Variants in GATC observed in about 807,000 individuals in gnomAD.
GATC encodes glutamyl-tRNA(Gln) amidotransferase subunit C, mitochondrial.
In GATC, 11 loss-of-function variants were observed where a neutral mutation model predicts 14.4. The observed-to-expected ratio is 0.77, with a 90% confidence interval of 0.48 to 1.27. The LOEUF (loss-of-function observed/expected upper bound fraction) is 1.27, where lower values mean the gene tolerates loss of function less well. Ranked by LOEUF, GATC falls within the 50% of genes most tolerant of loss-of-function variation. GATC has a pLI of 0.00. For synonymous variants in GATC, 76 were observed against 79.3 expected (o/e 0.96, Z 0.22); for missense variants, 204 against 183.0 (o/e 1.11, Z -0.66).
chr12:120,456,414 G>A (rs1001762159), intron 2 of GATC, among the ~76,000 whole-genome samples: 1 of 152,268 alleles, frequency 6.6e-6, no homozygotes, highest in East Asian at 1.9e-4. Context: ...AGATTGGGCT[G>A]AGATCCCAGT....
rs777693373 is a variant in GATC at position 120,462,143 on chromosome 12, C to T, written c.*2184C>T. On this transcript the variant is annotated 3_prime_UTR_variant, in exon 4 of 4. Transcript: ENST00000551765. ...GCTGGTGCTTCTCTCAGGATAAACTCGGATGTAGGAAGTTTCACCCTGAAA... is the reference window on the plus strand; with the variant it reads ...GCTGGTGCTTCTCTCAGGATAAACTTGGATGTAGGAAGTTTCACCCTGAAA... 4 of 1,611,266 alleles carry T rather than the reference C, an allele frequency of 2.5e-6. No homozygotes were observed. The highest frequency in any genetic ancestry group is 1.1e-5 in the South Asian group (1 of 90,684).
At chr12:120,455,831 G>A (rs1031674624) in intron 2 of GATC, among the ~76,000 whole-genome samples, 11 of 152,138 alleles carry the variant, frequency 7.2e-5, no homozygotes, top group South Asian at 6.2e-4. Flanking sequence ...GTCTACAGGC[G>A]CCCACCACCA....
intron 2 of GATC, among the ~76,000 whole-genome samples, chr12:120,453,808 C>T (rs543324950): frequency 6.7e-6 from 1 of 149,956 alleles, no homozygotes; most frequent in East Asian, 2.0e-4. Flanking sequence ...ACAGCAAGAC[C>T]CTGTCTCAAA....
Position 120,455,045 on chromosome 12 carries a change from G to A in GATC, c.255-2031G>A, listed in dbSNP as rs183169821. Reference sequence around the variant, plus strand: ...TGGGATTACAGGTATGTACCACCATGCCCGGCTAACTTTTATATTTTTAGT... The same window carrying A: ...TGGGATTACAGGTATGTACCACCATACCCGGCTAACTTTTATATTTTTAGT... On this transcript the variant is annotated intron_variant, in intron 2 of 3. Coordinates refer to ENST00000551765, the MANE Select transcript of GATC (RefSeq NM_176818.3). The A allele has an allele frequency of 1.9e-5, 8 of 430,552 alleles. No individual in the cohort carries two copies. In the East Asian group the frequency reaches 5.7e-4, roughly 31 times the overall value. The allele number at this position is 430,552 out of a possible 1,614,324, so 26.7% of individuals were successfully genotyped here. A position where few individuals can be genotyped will look rare whatever the true frequency, so the allele number is the denominator to read the frequency against.
intron 2 of GATC, chr12:120,455,155 T>C (rs914930173): frequency 4.4e-6 from 1 of 227,768 alleles, no homozygotes; most frequent in African/African-American, 2.3e-5. Context: ...AGTGCTGGGA[T>C]TACAGGCTTG....
In GATC at chr12:120,460,871, G is replaced by A. The variant is rs1827868117; in HGVS notation, c.*912G>A. The A allele has an allele frequency of 6.6e-6, 1 of 152,020 alleles. No homozygotes were observed. Among genetic ancestry groups the A allele is most frequent in the Admixed American group, 6.6e-5 (1 of 15,238 alleles). The allele number at this position is 152,020 out of a possible 1,614,324, so 9.4% of individuals were successfully genotyped here. On this transcript the variant is annotated 3_prime_UTR_variant, in exon 4 of 4. Coordinates refer to ENST00000551765, the MANE Select transcript of GATC (RefSeq NM_176818.3). The stretch of plus-strand genomic sequence containing the variant: ...ATACAAAAAATTAGCTGGGTGTGAT[G>A]ACAGGTGCCTGTAGTCCCAGCTACT...
At position 120,460,562 on chromosome 12, in the gene GATC, A is replaced by AC. The variant is rs1878306225; in HGVS notation, c.*605dup. ...TATATGCCAAAGGGATACTAGTCATACCTAGTGTTTCTCTTTCTGAAAAGA... is the reference window on the plus strand; with the variant it reads ...TATATGCCAAAGGGATACTAGTCATACCCTAGTGTTTCTCTTTCTGAAAAGA... On this transcript the variant is annotated 3_prime_UTR_variant, in exon 4 of 4. Transcript: ENST00000551765. The AC allele has an allele frequency of 6.6e-6, 1 of 152,176 alleles. No homozygotes were observed. Among genetic ancestry groups the AC allele is most frequent in the South Asian group, 2.1e-4 (1 of 4,828 alleles). 9.4% of individuals were successfully genotyped at this position (152,176 alleles called of 1,614,324 possible).
rs562210288 is a variant in GATC, at chr12:120,462,869, T to C, written c.*2910T>C. 2 of 152,326 alleles carry C rather than the reference T, an allele frequency of 1.3e-5. No homozygotes were observed. The highest frequency in any genetic ancestry group is 1.9e-4 in the East Asian group (1 of 5,176). 9.4% of individuals were successfully genotyped at this position (152,326 alleles called of 1,614,324 possible). A position where few individuals can be genotyped will look rare whatever the true frequency, so the allele number is the denominator to read the frequency against. ...TTTCACCTTAGGTGAAAGTCAGTAA[T>C]TGGAGTTACCCTTTCTGAGGCCCTG... On this transcript the variant is annotated 3_prime_UTR_variant, in exon 4 of 4. Transcript: ENST00000551765.
chr12:120,458,019 A>G (rs1878233428), intron 3 of GATC, among the ~76,000 whole-genome samples: 1 of 152,028 alleles, frequency 6.6e-6, no homozygotes, highest in South Asian at 2.1e-4. Context: ...CTGCTACCCT[A>G]TCAGTGTTGC....
In GATC at chr12:120,461,248, A is replaced by C. The variant is rs188397819; in HGVS notation, c.*1289A>C. 5.3e-5 allele frequency: 8 copies of C among 151,968 alleles called. No homozygotes were observed. Among genetic ancestry groups the C allele is most frequent in the Admixed American group, 3.9e-4 (6 of 15,244 alleles). The allele number at this position is 151,968 out of a possible 1,614,324, so 9.4% of individuals were successfully genotyped here. ...GTAACTGGGACTACATATGTGCATC[A>C]CCACGTCCAGTTAATTTTTTTTTAA... On this transcript the variant is annotated 3_prime_UTR_variant, in exon 4 of 4. Transcript: ENST00000551765.
intron 2 of GATC, among the ~76,000 whole-genome samples, chr12:120,447,899 G>A (rs987748666): frequency 3.0e-4 from 46 of 151,852 alleles, no homozygotes; most frequent in Non-Finnish European, 2.9e-5. Context: ...GACCACAGGC[G>A]CGTGCCACTT....
At position 120,462,048 on chromosome 12, in the gene GATC, G is replaced by A; in HGVS notation, c.*2089G>A. The A allele has an allele frequency of 1.2e-6, 2 of 1,611,916 alleles. No homozygotes were observed. The highest frequency in any genetic ancestry group is 1.1e-5 in the South Asian group (1 of 90,964). ...TAGGGCCTGAAAGGAGAGAAGTAGTGTGGGGAACCCCTGCTTTGGTATGGA... is the reference window on the plus strand; with the variant it reads ...TAGGGCCTGAAAGGAGAGAAGTAGTATGGGGAACCCCTGCTTTGGTATGGA... On this transcript the variant is annotated 3_prime_UTR_variant, in exon 4 of 4. Transcript: ENST00000551765.
At chr12:120,451,883 T>TTTTTCTTTTTTC (rs973297867) in intron 2 of GATC, among the ~76,000 whole-genome samples, 6 of 128,570 alleles carry the variant, frequency 4.7e-5, no homozygotes, top group South Asian at 2.8e-4. Flanking sequence ...TTCTTTTTTT[T>TTTTTCTTTTTTC]TTTTTTTTTT....
chr12:120,452,895 C>A (rs898372618), intron 2 of GATC, among the ~76,000 whole-genome samples: 2 of 150,350 alleles, frequency 1.3e-5, no homozygotes, highest in Non-Finnish European at 3.0e-5. Flanking sequence ...GGGGTCTCAC[C>A]ATGTTTCCCA....
At chr12:120,456,131 T>C (rs1368210174) in intron 2 of GATC, among the ~76,000 whole-genome samples, 3 of 152,198 alleles carry the variant, frequency 2.0e-5, no homozygotes, top group Non-Finnish European at 4.4e-5. Flanking sequence ...CCGAATACCA[T>C]ATCAGTGATT....
rs1339395101 is a variant in GATC at position 120,462,171 on chromosome 12, CAAACAA to C, written c.*2222_*2227del. On this transcript the variant is annotated 3_prime_UTR_variant, in exon 4 of 4. Transcript: ENST00000551765. ...ATGTAGGAAGTTTCACCCTGAAATGCAAACAAAAACAAAAAGAGTAAAGGGGAAAAA... is the reference window on the plus strand; with the variant it reads ...ATGTAGGAAGTTTCACCCTGAAATGCAAACAAAAAGAGTAAAGGGGAAAAA... 7 of 1,596,342 alleles carry C rather than the reference CAAACAA, an allele frequency of 4.4e-6. No homozygotes were observed. In the Admixed American group the frequency reaches 5.4e-5, roughly 12 times the overall value.
chr12:120,452,291 A>C (rs1376525106), intron 2 of GATC, among the ~76,000 whole-genome samples: 1 of 152,186 alleles, frequency 6.6e-6, no homozygotes, highest in Non-Finnish European at 1.5e-5. Context: ...AAAGTTTCAC[A>C]GGTAATAAGC....
chr12:120,459,639 G>A (rs1464343016), intron 3 of GATC, among the ~76,000 whole-genome samples: 7 of 152,112 alleles, frequency 4.6e-5, no homozygotes, highest in African/African-American at 9.7e-5. Context: ...GGCGGATCAC[G>A]AGGTCAGGAG....
chr12:120,452,074 A>AC (rs1878066556), intron 2 of GATC, among the ~76,000 whole-genome samples: 4 of 151,536 alleles, frequency 2.6e-5, no homozygotes, highest in Middle Eastern at 3.4e-3. Flanking sequence ...ACGGGGTTTC[A>AC]CCATATTGGT....
Sources: gnomAD v4.1 joint callset for allele counts (sites outside exome capture counted in the v4.1 genomes callset) on GRCh38, gnomAD v4.1.1 for gene constraint, MANE v1.5 for transcripts, NCBI Gene and HGNC (gene_info 2026-07-23, HGNC 2026-07-21) for gene names.